Variants in ATG4B observed in about 807,000 individuals in gnomAD.
The protein encoded by ATG4B is autophagy related 4B cysteine peptidase, also known as cysteine protease ATG4B.
A neutral mutation model predicts 56.6 loss-of-function variants in ATG4B; 29 were observed. The observed-to-expected ratio is 0.51, with a 90% confidence interval of 0.38 to 0.70. ATG4B has a LOEUF of 0.70. Ranked by LOEUF, ATG4B falls within the 30% of genes least tolerant of loss-of-function variation. The pLI is 0.00. For missense variants in ATG4B, 461 were observed against 515.5 expected (o/e 0.89, Z 1.02); for synonymous variants, 224 against 206.1 (o/e 1.09, Z -0.74).
intron 11 of ATG4B, among the ~76,000 whole-genome samples, chr2:241,670,991 G>A (rs534666103): frequency 6.6e-6 from 1 of 152,342 alleles, no homozygotes; most frequent in African/African-American, 2.4e-5. Flanking sequence ...CCCTGGGGAC[G>A]GATGTTGCGT....
intron 4 of ATG4B, among the ~76,000 whole-genome samples, chr2:241,653,896 G>A (rs1017547267): frequency 1.6e-4 from 24 of 150,956 alleles, no homozygotes; most frequent in Non-Finnish European, 5.9e-5. Flanking sequence ...GGAGACTGAT[G>A]TGGAGAATTG....
chr2:241,643,364 ATTTT>A (rs71049595), intron 1 of ATG4B, among the ~76,000 whole-genome samples: 3 of 109,770 alleles, frequency 2.7e-5, no homozygotes, highest in South Asian at 3.1e-4. Flanking sequence ...ACGCCTAGCT[ATTTT>A]TTTTTTTTTT....
intron 7 of ATG4B, 150 bp from the exon 8 acceptor site, chr2:241,666,495 C>G (rs1182512184): frequency 1.2e-6 from 1 of 832,186 alleles, no homozygotes; most frequent in East Asian, 2.7e-5. Flanking sequence ...TTTTCTTACG[C>G]TTTTCTATAT....
At chr2:241,671,629 C>T (rs2068975340) in intron 12 of ATG4B, 5 of 1,479,202 alleles carry the variant, frequency 3.4e-6, no homozygotes, top group African/African-American at 1.4e-5. Flanking sequence ...ACCAGCGCTG[C>T]CTGCCCGGGC....
chr2:241,667,906 A>G (rs943063011), intron 8 of ATG4B: 10 of 507,812 alleles, frequency 2.0e-5, no homozygotes, highest in Non-Finnish European at 3.5e-5. Flanking sequence ...GGCCTCCCCA[A>G]AGCCCACCTC....
intron 3 of ATG4B, 35 bp from the exon 4 acceptor site, chr2:241,653,477 G>A (rs1003436105): frequency 3.2e-6 from 5 of 1,555,742 alleles, no homozygotes; most frequent in Non-Finnish European, 4.3e-6. Flanking sequence ...GGGCCATCTG[G>A]CCATGAGCAC....
intron 3 of ATG4B, 143 bp from the exon 4 acceptor site, chr2:241,653,369 G>C: frequency 1.3e-6 from 2 of 1,550,556 alleles, no homozygotes; most frequent in Non-Finnish European, 1.7e-6. Flanking sequence ...AGTCCTAAGA[G>C]GTGTGTGTTG....
chr2:241,670,926 G>A (rs2068948179), intron 11 of ATG4B, 144 bp downstream of exon 11: 3 of 888,272 alleles, frequency 3.4e-6, no homozygotes, highest in Non-Finnish European at 5.3e-6. Context: ...GCACAGCTAT[G>A]TAGCTGAGCA....
At chr2:241,663,959 G>A (rs2068674030) in intron 7 of ATG4B, among the ~76,000 whole-genome samples, 1 of 151,996 alleles carries the variant, frequency 6.6e-6, no homozygotes. Flanking sequence ...ACAGGTGCAT[G>A]CCACCACGCC....
chr2:241,657,305 AT>A (rs1180114345), intron 6 of ATG4B, among the ~76,000 whole-genome samples: 2 of 94,736 alleles, frequency 2.1e-5, no homozygotes, highest in Non-Finnish European at 4.3e-5. Flanking sequence ...TTTTTTTTTT[AT>A]TTTTTTTCCG....
Position 241,672,922 on chromosome 2 carries a change from C to T in ATG4B, c.*658C>T, listed in dbSNP as rs1334834805. 5 of 164,876 alleles carry T rather than the reference C, an allele frequency of 3.0e-5. No homozygotes were observed. The highest frequency in any genetic ancestry group is 3.4e-4 in the East Asian group (2 of 5,940). The allele number at this position is 164,876 out of a possible 1,614,324, so 10.2% of individuals were successfully genotyped here. ...TGAAGATGGCGTGCACAGGACACAG[C>T]GTGGGCGGCCTGGGCAGAAGGGCGG... On this transcript the variant is annotated 3_prime_UTR_variant, in exon 13 of 13. Coordinates refer to ENST00000404914, the MANE Select transcript of ATG4B (RefSeq NM_013325.5).
At chr2:241,664,572 G>A (rs1036267952) in intron 7 of ATG4B, among the ~76,000 whole-genome samples, 9 of 152,078 alleles carry the variant, frequency 5.9e-5, no homozygotes, top group Non-Finnish European at 8.8e-5. Flanking sequence ...ACTCCCTTAA[G>A]GCTGGGCGTG....
intron 5 of ATG4B, 116 bp from the exon 6 acceptor site, chr2:241,655,155 A>G: frequency 1.0e-6 from 1 of 979,764 alleles, no homozygotes; most frequent in Non-Finnish European, 1.6e-6. Flanking sequence ...TTCCGTCTGG[A>G]GGCTGGGTCG....
At chr2:241,648,594 CAAAAAAAAAAA>C (rs35764376) in intron 1 of ATG4B, among the ~76,000 whole-genome samples, 2 of 135,456 alleles carry the variant, frequency 1.5e-5, no homozygotes, top group Non-Finnish European at 3.2e-5. Context: ...GTCCCGGTCT[CAAAAAAAAAAA>C]AGAAAAAAAA....
intron 1 of ATG4B, among the ~76,000 whole-genome samples, chr2:241,643,694 TC>T (rs200143016): frequency 0.22 from 26,428 of 121,822 alleles, 3,880 homozygotes; most frequent in East Asian, 0.4. Flanking sequence ...GTATATATTT[TC>T]CCCCCCCCCC....
chr2:241,647,689 A>G (rs1314980405), intron 1 of ATG4B, among the ~76,000 whole-genome samples: 1 of 152,062 alleles, frequency 6.6e-6, no homozygotes, highest in Non-Finnish European at 1.5e-5. Context: ...TTCCTTGAGA[A>G]TAAGTTTTCT....
intron 6 of ATG4B, among the ~76,000 whole-genome samples, chr2:241,658,328 G>A (rs985875052): frequency 1.3e-5 from 2 of 152,046 alleles, no homozygotes; most frequent in African/African-American, 4.8e-5. Context: ...GGGCAGTGGG[G>A]GGCAGGCTGT....
intron 1 of ATG4B, among the ~76,000 whole-genome samples, chr2:241,648,633 G>A (rs2068136279): frequency 6.6e-6 from 1 of 151,714 alleles, no homozygotes; most frequent in African/African-American, 2.4e-5. Flanking sequence ...CAGAGCTCTT[G>A]GACAAAGCCC....
intron 12 of ATG4B, 149 bp from the exon 13 acceptor site, chr2:241,672,042 A>C: frequency 1.4e-6 from 2 of 1,410,230 alleles, no homozygotes; most frequent in Non-Finnish European, 1.9e-6. Flanking sequence ...GGTCTGCACA[A>C]CCCCCGGACC....
Sources: allele counts gnomAD v4.1 joint callset (sites outside exome capture counted in the v4.1 genomes callset), GRCh38; gene constraint gnomAD v4.1.1; transcripts MANE v1.5; gene names NCBI Gene and HGNC (gene_info 2026-07-23, HGNC 2026-07-21).